Variants in NOL4 observed in about 807,000 individuals in gnomAD.
NOL4 encodes the protein cancer/testis antigen 125.
Under a neutral mutation model 75.9 loss-of-function variants are expected in NOL4, and 17 were observed. That is an observed-to-expected ratio of 0.22 (90% CI 0.15 to 0.34). The LOEUF (loss-of-function observed/expected upper bound fraction) is 0.34, where lower values mean the gene tolerates loss of function less well. NOL4 is among the 10% of genes least tolerant of loss of function. The pLI, the probability that NOL4 is intolerant of heterozygous loss-of-function variation, is 1.00. For synonymous variants in NOL4, 292 were observed against 289.9 expected (o/e 1.01, Z -0.07); for missense variants, 614 against 793.5 (o/e 0.77, Z 2.72).
At chr18:33,945,358 T>C (rs2068765200) in intron 8 of NOL4, among the ~76,000 whole-genome samples, 3 of 151,796 alleles carry the variant, frequency 2.0e-5, no homozygotes, top group Non-Finnish European at 4.4e-5. Flanking sequence ...CACAAGTAAC[T>C]TAAATACATA....
intron 10 of NOL4, among the ~76,000 whole-genome samples, chr18:33,859,855 T>A (rs867248956): frequency 5.9e-5 from 9 of 151,806 alleles, no homozygotes; most frequent in Middle Eastern, 3.4e-3. Flanking sequence ...GAGGCAGAGG[T>A]TTCAGTGGGC....
chr18:34,166,108 A>T lies in NOL4; in HGVS notation c.265-36088T>A, dbSNP rs533189944. On this transcript the variant is annotated intron_variant, in intron 1 of 10. Coordinates refer to ENST00000261592, the MANE Select transcript of NOL4 (RefSeq NM_003787.5). ...CTTAGTTAATAAACAATATGATATT[A>T]CAAGAAACTGTAATATTTTAAATAT... Among the ~76,000 whole-genome samples the T allele has an allele frequency of 6.0e-4, 92 of 152,234 alleles. 1 individual carries two copies. The highest frequency in any genetic ancestry group is 1.2e-3 in the Non-Finnish European group (80 of 67,962).
chr18:33,976,891 C>T (rs1270670720), intron 6 of NOL4, among the ~76,000 whole-genome samples: 1 of 152,076 alleles, frequency 6.6e-6, no homozygotes, highest in Non-Finnish European at 1.5e-5. Context: ...ATTTATTTCA[C>T]TGGCCTAGGC....
At chr18:33,922,900 T>C (rs2067122238) in intron 9 of NOL4, among the ~76,000 whole-genome samples, 1 of 152,178 alleles carries the variant, frequency 6.6e-6, no homozygotes. Flanking sequence ...ATTTAATTTA[T>C]TATGTATCCA....
At chr18:34,092,975 A>T (rs2078597644) in intron 5 of NOL4, among the ~76,000 whole-genome samples, 1 of 152,176 alleles carries the variant, frequency 6.6e-6, no homozygotes, top group South Asian at 2.1e-4. Flanking sequence ...GTAGCTCAAA[A>T]ATCACAGCAA....
At chr18:34,184,652 C>T (rs1395164188) in intron 1 of NOL4, among the ~76,000 whole-genome samples, 2 of 151,896 alleles carry the variant, frequency 1.3e-5, no homozygotes, top group African/African-American at 4.8e-5. Flanking sequence ...GGGTTCAGTT[C>T]CAAAGGTGAT....
chr18:33,881,967 T>C (rs1369202750), intron 10 of NOL4, among the ~76,000 whole-genome samples: 8 of 152,196 alleles, frequency 5.3e-5, no homozygotes, highest in Non-Finnish European at 7.3e-5. Flanking sequence ...GGATTCCCTA[T>C]TTAATAAATG....
chr18:34,115,640 C>T (rs963810693), intron 2 of NOL4, among the ~76,000 whole-genome samples: 23 of 152,058 alleles, frequency 1.5e-4, no homozygotes, highest in African/African-American at 5.1e-4. Flanking sequence ...AGGTTTTTTA[C>T]GCCCTATGTA....
intron 9 of NOL4, among the ~76,000 whole-genome samples, chr18:33,895,147 C>T (rs972989389): frequency 7.2e-5 from 11 of 151,906 alleles, no homozygotes; most frequent in Admixed American, 2.0e-4. Flanking sequence ...CTTAAAAATG[C>T]ATTACTGTGA....
chr18:34,149,092 T>C (rs2081533616), intron 1 of NOL4, among the ~76,000 whole-genome samples: 1 of 151,722 alleles, frequency 6.6e-6, no homozygotes, highest in African/African-American at 2.4e-5. Context: ...TACATCTTCC[T>C]GCATTTTCCC....
intron 1 of NOL4, among the ~76,000 whole-genome samples, chr18:34,133,678 C>A (rs889123639): frequency 6.6e-6 from 1 of 151,546 alleles, no homozygotes; most frequent in Non-Finnish European, 1.5e-5. Flanking sequence ...GGAAATGATA[C>A]CTTATGGTGA....
chr18:33,957,625 C>T, intron 7 of NOL4, 108 bp from the exon 8 acceptor site: 1 of 829,282 alleles, frequency 1.2e-6, no homozygotes, highest in South Asian at 2.5e-5. Context: ...CTGGTTTATG[C>T]ACTGGAGAAC....
At chr18:34,210,044 T>A (rs1459329182) in intron 1 of NOL4, among the ~76,000 whole-genome samples, 2 of 152,200 alleles carry the variant, frequency 1.3e-5, no homozygotes, top group East Asian at 3.8e-4. Context: ...AAGCTCTTGT[T>A]ATCAATTGTG....
intron 5 of NOL4, among the ~76,000 whole-genome samples, chr18:34,022,965 A>G (rs993722865): frequency 6.6e-6 from 1 of 152,142 alleles, no homozygotes; most frequent in African/African-American, 2.4e-5. Flanking sequence ...ATCAATAAAA[A>G]GTATAAACAA....
intron 1 of NOL4, among the ~76,000 whole-genome samples, chr18:34,142,859 C>T (rs970949076): frequency 6.6e-6 from 1 of 152,080 alleles, no homozygotes; most frequent in African/African-American, 2.4e-5. Context: ...ATATGCAATA[C>T]AGTCGGCCCT....
chr18:34,068,160 G>C (rs995441722), intron 5 of NOL4, among the ~76,000 whole-genome samples: 1 of 152,148 alleles, frequency 6.6e-6, no homozygotes, highest in African/African-American at 2.4e-5. Flanking sequence ...ATGAATAATG[G>C]AGAAGCAGAC....
chr18:34,191,818 G>A (rs1046586741), intron 1 of NOL4, among the ~76,000 whole-genome samples: 3 of 152,032 alleles, frequency 2.0e-5, no homozygotes, highest in African/African-American at 4.8e-5. Context: ...GCAGAGAAAG[G>A]CCAATAGAGG....
chr18:34,182,239 T>C (rs1382985273), intron 1 of NOL4, among the ~76,000 whole-genome samples: 1 of 151,656 alleles, frequency 6.6e-6, no homozygotes, highest in Non-Finnish European at 1.5e-5. Context: ...AAGAATGATA[T>C]GCTGAGGCAC....
At chr18:34,200,821 G>C (rs2035680722) in intron 1 of NOL4, among the ~76,000 whole-genome samples, 1 of 151,652 alleles carries the variant, frequency 6.6e-6, no homozygotes, top group Non-Finnish European at 1.5e-5. Context: ...ACATTCAATG[G>C]AAGAGTTCCA....
Sources: gnomAD v4.1 joint callset for allele counts (sites outside exome capture counted in the v4.1 genomes callset) on GRCh38, gnomAD v4.1.1 for gene constraint, MANE v1.5 for transcripts, NCBI Gene and HGNC (gene_info 2026-07-23, HGNC 2026-07-21) for gene names.